Variants in CARS1 observed in about 807,000 individuals in gnomAD.
CARS1 encodes the protein cysteine--tRNA ligase, cytoplasmic.
CARS1 carries 48 observed loss-of-function variants against 106.2 expected under a neutral mutation model. That is an observed-to-expected ratio of 0.45 (90% CI 0.36 to 0.57). The LOEUF is 0.57. CARS1 is among the 20% of genes least tolerant of loss of function. The pLI is 0.00. For synonymous variants in CARS1, 409 were observed against 403.4 expected (o/e 1.01, Z -0.17); for missense variants, 968 against 1,057.2 (o/e 0.92, Z 1.17).
intron 13 of CARS1, 33 bp from the exon 14 acceptor site, chr11:3,018,544 A>G (rs771491699): frequency 1.2e-6 from 2 of 1,612,890 alleles, no homozygotes; most frequent in Admixed American, 1.7e-5. Context: ...CAACGCCCTT[A>G]TTCTCCCGAG....
chr11:3,042,432 T>TC (rs1350048407), intron 2 of CARS1, 176 bp from the exon 3 acceptor site: 1 of 363,440 alleles, frequency 2.8e-6, no homozygotes. Context: ...AACTGCGTCT[T>TC]TTTTTTTTTT....
rs1358575003 is a variant in CARS1 at position 3,050,079 on chromosome 11, T to C, written c.26-2078A>G. 3.3e-5 allele frequency among the ~76,000 whole-genome samples: 5 copies of C among 152,204 alleles called. No homozygotes were observed. Among genetic ancestry groups the C allele is most frequent in the Non-Finnish European group, 7.3e-5 (5 of 68,034 alleles). On this transcript the variant is annotated intron_variant, in intron 1 of 22. Transcript: ENST00000380525. This position sits in a 1 kb window ranked among gnomAD's most constrained non-coding sequence, Gnocchi z 6.3. The stretch of plus-strand genomic sequence containing the variant: ...CCAGGGAGCCTACGGAGCCACGTGA[T>C]GCCCCAAGGCCCAGCCTCCGTGGCT...
At chr11:3,055,128 A>G in intron 1 of CARS1, 1 of 599,720 alleles carries the variant, frequency 1.7e-6, no homozygotes, top group Non-Finnish European at 3.0e-6. Flanking sequence ...TCCTTGAAAA[A>G]TCTGGGAAGA....
At chr11:3,024,295 T>C (rs1851841889) in intron 10 of CARS1, among the ~76,000 whole-genome samples, 1 of 152,222 alleles carries the variant, frequency 6.6e-6, no homozygotes, top group Non-Finnish European at 1.5e-5. Flanking sequence ...GTGTGGCACC[T>C]TTGCTGCTGT....
At chr11:3,025,683 G>A (rs1851988163) in intron 10 of CARS1, among the ~76,000 whole-genome samples, 1 of 152,236 alleles carries the variant, frequency 6.6e-6, no homozygotes, top group South Asian at 2.1e-4. Flanking sequence ...CTGCAGGGAG[G>A]CTTCCAACCT....
At position 3,040,387 on chromosome 11, in the gene CARS1, A is replaced by G; in HGVS notation, c.456-456T>C. On this transcript the variant is annotated intron_variant, in intron 4 of 22. Transcript: ENST00000380525. The surrounding 1 kb of genome is among the most constrained non-coding windows in gnomAD (Gnocchi z 5.8). ...CCTCCAGGTTGTTCAAGGGTTGACT[A>G]TACATGACCTTGGCACTGCAACTAA... 3 of 384,918 alleles carry G rather than the reference A, an allele frequency of 7.8e-6. No homozygotes were observed. The highest frequency in any genetic ancestry group is 1.5e-5 in the Non-Finnish European group (3 of 195,582). 23.8% of individuals were successfully genotyped at this position (384,918 alleles called of 1,614,324 possible). A position where few individuals can be genotyped will look rare whatever the true frequency, so the allele number is the denominator to read the frequency against.
At chr11:3,056,839 C>T (rs994864212) in intron 1 of CARS1, among the ~76,000 whole-genome samples, 3 of 152,234 alleles carry the variant, frequency 2.0e-5, no homozygotes, top group African/African-American at 7.2e-5. Flanking sequence ...TGTAGGGCCA[C>T]CTCCCGGGGT....
intron 17 of CARS1, among the ~76,000 whole-genome samples, 195 bp from the exon 18 acceptor site, chr11:3,012,471 T>C: frequency 6.6e-6 from 1 of 152,134 alleles, no homozygotes; most frequent in Middle Eastern, 3.2e-3. Flanking sequence ...GGTGTGCGAG[T>C]CACACAGACT....
Position 3,029,320 on chromosome 11 carries a change from C to G in CARS1, c.925G>C (p.Asp309His). The G allele has an allele frequency of 6.2e-7, 1 of 1,614,106 alleles. No homozygotes were observed. Among genetic ancestry groups the G allele is most frequent in the Non-Finnish European group, 8.5e-7 (1 of 1,179,956 alleles). Residue 309 changes from aspartate (D) to histidine (H), a missense_variant, in exon 8 of 23, where the codon GAC (aspartate) becomes CAC (histidine). Physicochemically the swap from Asp to His is moderately conservative, Grantham distance 81 (BLOSUM62 -1). Coordinates refer to ENST00000380525, the MANE Select transcript of CARS1 (RefSeq NM_001014437.3). The surrounding 1 kb of genome is among the most constrained non-coding windows in gnomAD (Gnocchi z 5.9). Reference sequence around the variant, plus strand: ...ACACTTACATTCAGAGCTTCCATGTCTCTGTGGAAGTCCCCCTCCCAGAAC... The same window carrying G: ...ACACTTACATTCAGAGCTTCCATGTGTCTGTGGAAGTCCCCCTCCCAGAAC... ...PKFWEGDFHRDMEALNVLPPD... is the reference protein window; with the variant it reads ...PKFWEGDFHRHMEALNVLPPD...
At position 3,037,559 on chromosome 11, in the gene CARS1, C is replaced by T. The variant is rs1426685879; in HGVS notation, c.801+491G>A. 2.0e-5 allele frequency among the ~76,000 whole-genome samples: 3 copies of T among 152,320 alleles called. No homozygotes were observed. Among genetic ancestry groups the T allele is most frequent in the Non-Finnish European group, 1.5e-5 (1 of 68,026 alleles). ...AAGAGGGCAGGGTCCCCTCTGCACCCAGGTCTCTGCCCTGTGTCTGAAGGA... is the reference window on the plus strand; with the variant it reads ...AAGAGGGCAGGGTCCCCTCTGCACCTAGGTCTCTGCCCTGTGTCTGAAGGA... On this transcript the variant is annotated intron_variant, in intron 7 of 22. Transcript: ENST00000380525. This position sits in a 1 kb window ranked among gnomAD's most constrained non-coding sequence, Gnocchi z 5.9.
At chr11:3,001,698 C>G (rs527364813) in intron 22 of CARS1, among the ~76,000 whole-genome samples, 1 of 152,314 alleles carries the variant, frequency 6.6e-6, no homozygotes, top group African/African-American at 2.4e-5. Context: ...CTGGGTGGAT[C>G]TTGGCCCGGG....
chr11:3,050,592 C>T lies in CARS1; in HGVS notation c.26-2591G>A, dbSNP rs1323823568. 3.9e-5 allele frequency among the ~76,000 whole-genome samples: 6 copies of T among 152,194 alleles called. No individual in the cohort carries two copies. Among genetic ancestry groups the T allele is most frequent in the Admixed American group, 1.3e-4 (2 of 15,278 alleles). ...TCCAGCGGCCCTGCTGAAAAGCGCA[C>T]GTTCACATTACTGCCCCCAACACCC... On this transcript the variant is annotated intron_variant, in intron 1 of 22. Coordinates refer to ENST00000380525, the MANE Select transcript of CARS1 (RefSeq NM_001014437.3). The surrounding 1 kb of genome is among the most constrained non-coding windows in gnomAD (Gnocchi z 6.3).
chr11:3,033,691 A>C (rs1853195728), intron 7 of CARS1, among the ~76,000 whole-genome samples: 1 of 152,238 alleles, frequency 6.6e-6, no homozygotes, highest in South Asian at 2.1e-4. Flanking sequence ...GAAGAAAAGA[A>C]GGAATAAAGA....
At position 3,040,804 on chromosome 11, in the gene CARS1, TTG is replaced by T; in HGVS notation, c.455+90_455+91del. The stretch of plus-strand genomic sequence containing the variant: ...GGTCTCTGTAGCAGATCTAAGATCT[TTG>T]TGGACCTAAGATCGCTGCTGTGGAT... On this transcript the variant is annotated intron_variant, in intron 4 of 22. Coordinates refer to ENST00000380525, the MANE Select transcript of CARS1 (RefSeq NM_001014437.3). This position sits in a 1 kb window ranked among gnomAD's most constrained non-coding sequence, Gnocchi z 5.8. 7.7e-7 allele frequency: 1 copy of T among 1,300,396 alleles called. No individual in the cohort carries two copies. Among genetic ancestry groups the T allele is most frequent in the Non-Finnish European group, 1.1e-6 (1 of 922,630 alleles). The allele number at this position is 1,300,396 out of a possible 1,614,324, so 80.6% of individuals were successfully genotyped here. A position where few individuals can be genotyped will look rare whatever the true frequency, so the allele number is the denominator to read the frequency against.
At position 3,057,410 on chromosome 11, in the gene CARS1, C is replaced by G. The variant is rs749134622; in HGVS notation, c.-43G>C. The G allele has an allele frequency of 1.3e-6, 2 of 1,592,018 alleles. No homozygotes were observed. Among genetic ancestry groups the G allele is most frequent in the East Asian group, 2.2e-5 (1 of 44,446 alleles). ...CCGCAGCTGCGGCTACAGACACTTCCTAGAATCTGATGCAACCGCCGCCCC... is the reference window on the plus strand; with the variant it reads ...CCGCAGCTGCGGCTACAGACACTTCGTAGAATCTGATGCAACCGCCGCCCC... On this transcript the variant is annotated 5_prime_UTR_variant, in exon 1 of 23. Transcript: ENST00000380525.
intron 18 of CARS1, chr11:3,009,589 T>C (rs569937281): frequency 1.3e-5 from 2 of 152,240 alleles, no homozygotes; most frequent in Non-Finnish European, 2.9e-5. Flanking sequence ...ACCGTGGCGA[T>C]GGGGAAATGG....
In CARS1 at chr11:3,012,287, AAC is replaced by A; in HGVS notation, c.1987-13_1987-12del. ...GACTGTGGCCTCGAGCTGCGGAAAG[AAC>A]AGTTTTGGTTCACTGAGAGCTGCTC... On this transcript the variant is annotated splice_polypyrimidine_tract_variant and intron_variant, in intron 17 of 22. Transcript: ENST00000380525. The A allele has an allele frequency of 6.2e-7, 1 of 1,613,776 alleles. No homozygotes were observed. The highest frequency in any genetic ancestry group is 8.5e-7 in the Non-Finnish European group (1 of 1,179,648).
chr11:3,042,569 C>CAA (rs1854613512), intron 2 of CARS1, among the ~76,000 whole-genome samples: 1 of 152,142 alleles, frequency 6.6e-6, no homozygotes, highest in South Asian at 2.1e-4. Context: ...CAGCATACCC[C>CAA]AATAACACCC....
In CARS1 at chr11:3,008,950, C is replaced by T. The variant is rs1194037747; in HGVS notation, c.2069-1991G>A. On this transcript the variant is annotated intron_variant, in intron 18 of 22. Coordinates refer to ENST00000380525, the MANE Select transcript of CARS1 (RefSeq NM_001014437.3). The surrounding 1 kb of genome is among the most constrained non-coding windows in gnomAD (Gnocchi z 5.1). ...GCCACAAGGCCAGCACCCCAGCCCA[C>T]CCGCCATGGGTGATCATCAGAGCAG... The T allele has an allele frequency of 1.3e-5, 2 of 152,348 alleles. No individual in the cohort carries two copies. Among genetic ancestry groups the T allele is most frequent in the East Asian group, 3.8e-4 (2 of 5,204 alleles). The allele number at this position is 152,348 out of a possible 1,614,324, so 9.4% of individuals were successfully genotyped here. A position where few individuals can be genotyped will look rare whatever the true frequency, so the allele number is the denominator to read the frequency against.
Sources: gnomAD v4.1 joint callset for allele counts (sites outside exome capture counted in the v4.1 genomes callset) on GRCh38, gnomAD v4.1.1 for gene constraint, Gnocchi (gnomAD v3.1) non-coding constraint, MANE v1.5 for transcripts, NCBI Gene and HGNC (gene_info 2026-07-23, HGNC 2026-07-21) for gene names.